PPP1R9A: variants seen among roughly 807,000 people sequenced by gnomAD.
PPP1R9A encodes the protein protein phosphatase 1 regulatory subunit 9A.
Under a neutral mutation model 141.9 loss-of-function variants are expected in PPP1R9A, and 59 were observed. That is an observed-to-expected ratio of 0.42 (90% CI 0.34 to 0.52). The LOEUF (loss-of-function observed/expected upper bound fraction) is 0.52. Ranked by LOEUF, PPP1R9A falls within the 20% of genes least tolerant of loss-of-function variation. The pLI is 0.10. For missense variants in PPP1R9A, 1,444 were observed against 1,611.9 expected, an observed-to-expected ratio of 0.90 and a Z score of 1.78; for synonymous variants, 500 against 569.7, an observed-to-expected ratio of 0.88 and a Z score of 1.74.
chr7:95,217,380 T>A (rs960074819), intron 7 of PPP1R9A, among the ~76,000 whole-genome samples: 1 of 152,240 alleles, frequency 6.6e-6, no homozygotes, highest in African/African-American at 2.4e-5. Flanking sequence ...CAATATTTTA[T>A]TGAGGATATT....
chr7:95,230,504 A>C (rs186550007), intron 8 of PPP1R9A, among the ~76,000 whole-genome samples: 215 of 152,208 alleles, frequency 1.4e-3, no homozygotes, highest in Non-Finnish European at 2.4e-3. Flanking sequence ...GACACACACA[A>C]ATGCAAAATG....
chr7:95,090,995 T>G (rs1158904543), intron 2 of PPP1R9A, among the ~76,000 whole-genome samples: 5 of 152,014 alleles, frequency 3.3e-5, no homozygotes, highest in Non-Finnish European at 7.3e-5. Context: ...TTAGGATACA[T>G]CTATAAGAAT....
intron 2 of PPP1R9A, among the ~76,000 whole-genome samples, chr7:95,070,624 C>CACACAT (rs1554492098): frequency 1.3e-4 from 17 of 134,588 alleles, no homozygotes; most frequent in African/African-American, 2.5e-4. Context: ...CACACACACA[C>CACACAT]ATATATATAA....
intron 4 of PPP1R9A, among the ~76,000 whole-genome samples, chr7:95,135,292 A>G (rs973175103): frequency 4.6e-5 from 7 of 152,214 alleles, no homozygotes; most frequent in Non-Finnish European, 8.8e-5. Context: ...TCCTTTTGCT[A>G]TAGTCAGGAT....
At chr7:95,209,670 A>T (rs1327543992) in intron 7 of PPP1R9A, among the ~76,000 whole-genome samples, 1 of 152,130 alleles carries the variant, frequency 6.6e-6, no homozygotes, top group Non-Finnish European at 1.5e-5. Flanking sequence ...ACCACCAATG[A>T]CATTTGTGTT....
At chr7:94,919,224 C>T (rs752661135) in intron 2 of PPP1R9A, among the ~76,000 whole-genome samples, 5 of 151,822 alleles carry the variant, frequency 3.3e-5, no homozygotes, top group African/African-American at 7.3e-5. Flanking sequence ...TGAACTCCTG[C>T]GCACAAGGGA....
chr7:95,253,242 G>C (rs796419101), intron 12 of PPP1R9A, among the ~76,000 whole-genome samples: 59 of 152,230 alleles, frequency 3.9e-4, no homozygotes, highest in African/African-American at 1.4e-3. Context: ...ACAACTCAGA[G>C]GCAACACTTT....
intron 4 of PPP1R9A, among the ~76,000 whole-genome samples, chr7:95,147,287 C>G (rs1008507941): frequency 1.3e-5 from 2 of 152,092 alleles, no homozygotes; most frequent in South Asian, 4.1e-4. Context: ...CATGATTTGG[C>G]TCTCTGTTTG....
intron 5 of PPP1R9A, among the ~76,000 whole-genome samples, chr7:95,188,093 C>T (rs2152819916): frequency 6.6e-6 from 1 of 151,898 alleles, no homozygotes; most frequent in East Asian, 1.9e-4. Context: ...TATTGAAGTC[C>T]CCTATTATTG....
intron 16 of PPP1R9A, among the ~76,000 whole-genome samples, chr7:95,278,437 T>G (rs1803588755): frequency 1.3e-5 from 2 of 152,264 alleles, no homozygotes; most frequent in South Asian, 2.1e-4. Context: ...ATTTTACCTC[T>G]TTTTTTCCCA....
chr7:95,077,445 A>G (rs1815028301), intron 2 of PPP1R9A, among the ~76,000 whole-genome samples: 1 of 152,102 alleles, frequency 6.6e-6, no homozygotes, highest in East Asian at 1.9e-4. Context: ...TACTGAGTTA[A>G]AAGATAATTT....
At chr7:94,978,546 A>T (rs1799732895) in intron 2 of PPP1R9A, among the ~76,000 whole-genome samples, 1 of 152,166 alleles carries the variant, frequency 6.6e-6, no homozygotes, top group Non-Finnish European at 1.5e-5. Context: ...TTGCCAATTC[A>T]TTTCTCGACA....
At chr7:95,220,179 G>A (rs906046906) in intron 7 of PPP1R9A, among the ~76,000 whole-genome samples, 1 of 152,128 alleles carries the variant, frequency 6.6e-6, no homozygotes, top group Non-Finnish European at 1.5e-5. Flanking sequence ...TCGGCAGAGA[G>A]AGGGATGTTT....
chr7:95,169,819 TA>T (rs1291837812), intron 5 of PPP1R9A, among the ~76,000 whole-genome samples: 1 of 151,876 alleles, frequency 6.6e-6, no homozygotes, highest in Admixed American at 6.6e-5. Context: ...CTTATTGTAT[TA>T]CAAAAAATAT....
At chr7:95,277,300 TACATGCGCG>T (rs1394649790) in intron 16 of PPP1R9A, among the ~76,000 whole-genome samples, 1 of 152,208 alleles carries the variant, frequency 6.6e-6, no homozygotes, top group East Asian at 1.9e-4. Flanking sequence ...ATGACTCAGA[TACATGCGCG>T]ACATGAGACA....
intron 4 of PPP1R9A, among the ~76,000 whole-genome samples, chr7:95,132,760 C>T (rs902201440): frequency 3.3e-5 from 5 of 152,160 alleles, no homozygotes; most frequent in African/African-American, 1.2e-4. Flanking sequence ...AGGATCCACA[C>T]TTAGTCTATG....
At chr7:94,982,627 T>C (rs113153797) in intron 2 of PPP1R9A, among the ~76,000 whole-genome samples, 6,913 of 152,328 alleles carry the variant, frequency 0.045, 159 homozygotes, top group South Asian at 0.073. Flanking sequence ...TGTCTTCTTT[T>C]GAAAAGTGTC....
chr7:95,144,309 AAAT>A (rs1827213001), intron 4 of PPP1R9A, among the ~76,000 whole-genome samples: 1 of 152,180 alleles, frequency 6.6e-6, no homozygotes, highest in Admixed American at 6.5e-5. Flanking sequence ...ATGTTATTGC[AAAT>A]AATAAGATTT....
At chr7:95,151,824 C>T (rs12666011) in intron 4 of PPP1R9A, among the ~76,000 whole-genome samples, 18,148 of 151,210 alleles carry the variant, frequency 0.12, 1,206 homozygotes, top group East Asian at 0.19. Flanking sequence ...TTATTAATTT[C>T]CAAAACAGGT....
Sources: gnomAD v4.1 joint callset for allele counts (sites outside exome capture counted in the v4.1 genomes callset) on GRCh38, gnomAD v4.1.1 for gene constraint, MANE v1.5 for transcripts, NCBI Gene and HGNC (gene_info 2026-07-23, HGNC 2026-07-21) for gene names.